The following CADM2 variants were observed in gnomAD, a reference collection of about 807,000 sequenced individuals.
CADM2 encodes immunoglobulin superfamily member 4D.
CADM2 carries 12 observed loss-of-function variants against 49.8 expected under a neutral mutation model. The ratio of observed to expected loss-of-function variants is 0.24; its 90% CI spans 0.15 to 0.39. CADM2 has a LOEUF of 0.39. Among genes scored for constraint, CADM2 ranks in the 10% least tolerant of loss-of-function variants. The pLI is 1.00. For synonymous variants in CADM2, 214 were observed against 175.4 expected, an observed-to-expected ratio of 1.22 and a Z score of -1.74; for missense variants, 378 against 492.3, an observed-to-expected ratio of 0.77 and a Z score of 2.20.
intron 1 of CADM2, among the ~76,000 whole-genome samples, chr3:85,084,332 T>G (rs929855125): frequency 6.6e-6 from 1 of 152,172 alleles, no homozygotes; most frequent in African/African-American, 2.4e-5. Flanking sequence ...ATTCATTTTG[T>G]TTTTTAGAAT....
intron 1 of CADM2, among the ~76,000 whole-genome samples, chr3:85,458,033 A>G (rs893580079): frequency 2.6e-5 from 4 of 152,132 alleles, no homozygotes; most frequent in African/African-American, 9.7e-5. Context: ...TTTTCTTTCC[A>G]CAATTCAATC....
chr3:85,652,449 GT>G (rs1453666076), intron 1 of CADM2, among the ~76,000 whole-genome samples: 6 of 152,164 alleles, frequency 3.9e-5, no homozygotes, highest in African/African-American at 1.4e-4. Context: ...CAAAGCTAAA[GT>G]TAAGGAGTTT....
intron 1 of CADM2, among the ~76,000 whole-genome samples, chr3:85,182,994 A>G (rs1175168185): frequency 1.3e-5 from 2 of 152,120 alleles, no homozygotes; most frequent in African/African-American, 4.8e-5. Flanking sequence ...TCAAGTGAAT[A>G]CAATTCAATT....
rs539193559 is a variant in CADM2 at position 84,971,083 on chromosome 3, A to G, written c.61+11415A>G. 2.6e-5 allele frequency among the ~76,000 whole-genome samples: 4 copies of G among 152,186 alleles called. No homozygotes were observed. The South Asian group carries it at 8.3e-4, about 32-fold the overall frequency. On this transcript the variant is annotated intron_variant, in intron 1 of 9. Transcript: ENST00000383699. The stretch of plus-strand genomic sequence containing the variant: ...CTGTGAGGAAAAGCTATACCTTCAT[A>G]TTTTCAAGACTTTTAGTCGTAATGA...
intron 1 of CADM2, among the ~76,000 whole-genome samples, chr3:85,289,670 C>G (rs1013798389): frequency 6.6e-6 from 1 of 152,120 alleles, no homozygotes; most frequent in Non-Finnish European, 1.5e-5. Context: ...CATGGCTTGT[C>G]TTCCCCCTTC....
At chr3:85,791,544 A>AAAGAGAGAGAG (rs1559659850) in intron 2 of CADM2, among the ~76,000 whole-genome samples, 1 of 99,944 alleles carries the variant, frequency 1.0e-5, no homozygotes, top group South Asian at 3.9e-4. Flanking sequence ...GAGAGAGAGA[A>AAAGAGAGAGAG]AGAGAGAGAG....
At position 85,541,638 on chromosome 3, in the gene CADM2, C is replaced by G. The variant is rs529328628; in HGVS notation, c.62-184884C>G. Among the ~76,000 whole-genome samples the G allele has an allele frequency of 1.0e-4, 15 of 144,322 alleles. No individual in the cohort carries two copies. In the East Asian group the frequency reaches 2.6e-3, roughly 25 times the overall value. 94.7% of individuals were successfully genotyped at this position (144,322 alleles called of 152,430 possible). A position where few individuals can be genotyped will look rare whatever the true frequency, so the allele number is the denominator to read the frequency against. On this transcript the variant is annotated intron_variant, in intron 1 of 9. Transcript: ENST00000383699. The stretch of plus-strand genomic sequence containing the variant: ...AATTACTTCTTCCTCTACACAATTA[C>G]AATGAAAAAAAAAGCAACACTAACA...
chr3:85,881,185 T>C (rs1297663346), intron 3 of CADM2, among the ~76,000 whole-genome samples: 4 of 152,146 alleles, frequency 2.6e-5, no homozygotes, highest in East Asian at 1.9e-4. Context: ...CATTGTACTA[T>C]AGAGAAAATC....
At chr3:85,717,965 A>C (rs1208523331) in intron 1 of CADM2, among the ~76,000 whole-genome samples, 1 of 151,946 alleles carries the variant, frequency 6.6e-6, no homozygotes, top group Non-Finnish European at 1.5e-5. Context: ...AGATGGGGTT[A>C]CACCATGTTG....
intron 1 of CADM2, among the ~76,000 whole-genome samples, chr3:85,412,501 CA>C (rs1285175087): frequency 1.3e-5 from 2 of 150,112 alleles, no homozygotes; most frequent in Non-Finnish European, 3.0e-5. Flanking sequence ...ATGCCAAAAC[CA>C]AAACTAAGGT....
At chr3:84,977,863 G>A (rs768094261) in intron 1 of CADM2, among the ~76,000 whole-genome samples, 1 of 152,054 alleles carries the variant, frequency 6.6e-6, no homozygotes, top group Non-Finnish European at 1.5e-5. Flanking sequence ...CAATCAGCAG[G>A]TGTTTCAAAG....
intron 1 of CADM2, among the ~76,000 whole-genome samples, chr3:85,653,084 T>A (rs1380941349): frequency 6.6e-6 from 1 of 151,830 alleles, no homozygotes; most frequent in East Asian, 1.9e-4. Context: ...AACTTGGAAA[T>A]CTTTAAAAAT....
At chr3:85,645,869 G>C (rs188493271) in intron 1 of CADM2, among the ~76,000 whole-genome samples, 1 of 151,898 alleles carries the variant, frequency 6.6e-6, no homozygotes, top group African/African-American at 2.4e-5. Context: ...AAGAAAATAC[G>C]TTATTAATAG....
chr3:85,087,240 G>A (rs1246245947), intron 1 of CADM2, among the ~76,000 whole-genome samples: 5 of 152,150 alleles, frequency 3.3e-5, no homozygotes, highest in Non-Finnish European at 5.9e-5. Flanking sequence ...CTTTAGCTAC[G>A]TAATGCCAGG....
At position 85,323,155 on chromosome 3, in the gene CADM2, T is replaced by C. The variant is rs148339325; in HGVS notation, c.61+363487T>C. Among the ~76,000 whole-genome samples, 446 of 152,272 alleles carry C rather than the reference T, an allele frequency of 2.9e-3. 6 individuals are homozygous for C. The highest frequency in any genetic ancestry group is 6.0e-3 in the East Asian group (31 of 5,178). Reference sequence around the variant, plus strand: ...AATTATTTATAATTGTTGTGTTCATTTCCTCACTTGTCACTCAGTCTAGGA... The same window carrying C: ...AATTATTTATAATTGTTGTGTTCATCTCCTCACTTGTCACTCAGTCTAGGA... On this transcript the variant is annotated intron_variant, in intron 1 of 9. Coordinates refer to ENST00000383699, the MANE Select transcript of CADM2 (RefSeq NM_001167675.2).
chr3:85,630,591 C>T (rs1399079781), intron 1 of CADM2, among the ~76,000 whole-genome samples: 3 of 152,072 alleles, frequency 2.0e-5, no homozygotes, highest in African/African-American at 7.2e-5. Flanking sequence ...GTCAAAGAAT[C>T]TGCATTTTTA....
chr3:85,987,788 A>C (rs1051122019), intron 8 of CADM2, among the ~76,000 whole-genome samples: 7 of 150,962 alleles, frequency 4.6e-5, no homozygotes, highest in African/African-American at 1.7e-4. Flanking sequence ...AGTTATTATT[A>C]ATCTGTTCTA....
At chr3:85,658,247 A>T (rs1333144856) in intron 1 of CADM2, among the ~76,000 whole-genome samples, 4 of 152,016 alleles carry the variant, frequency 2.6e-5, no homozygotes. Context: ...GGAGAATGCC[A>T]TGTGAAGATG....
intron 1 of CADM2, among the ~76,000 whole-genome samples, chr3:85,427,297 A>G (rs997063158): frequency 6.6e-6 from 1 of 151,488 alleles, no homozygotes; most frequent in African/African-American, 2.4e-5. Flanking sequence ...AATTAGTCCA[A>G]TAATTAAACT....
Sources: allele counts gnomAD v4.1 joint callset (sites outside exome capture counted in the v4.1 genomes callset), GRCh38; gene constraint gnomAD v4.1.1; transcripts MANE v1.5; gene names NCBI Gene and HGNC (gene_info 2026-07-23, HGNC 2026-07-21).